The following MICAL2 variants were observed in gnomAD, a reference collection of about 807,000 sequenced individuals.
MICAL2 encodes the protein microtubule associated monooxygenase, calponin and LIM domain containing 2, also known as [F-actin]-monooxygenase MICAL2.
A neutral mutation model predicts 127.3 loss-of-function variants in MICAL2; 77 were observed. The observed-to-expected ratio is 0.60, with a 90% CI of 0.50 to 0.73. The LOEUF (loss-of-function observed/expected upper bound fraction) is 0.73, where lower values mean the gene tolerates loss of function less well. Ranked by LOEUF, MICAL2 falls within the 30% of genes least tolerant of loss-of-function variation. MICAL2 has a pLI of 0.00. For missense variants in MICAL2, 1,351 were observed against 1,434.4 expected (o/e 0.94, Z 0.94); for synonymous variants, 570 against 551.1 (o/e 1.03, Z -0.48).
intron 32 of MICAL2, among the ~76,000 whole-genome samples, chr11:12,341,807 T>C (rs1938872259): frequency 6.6e-6 from 1 of 151,952 alleles, no homozygotes; most frequent in South Asian, 2.1e-4. Flanking sequence ...AGCCTGGGCA[T>C]CAGAGCAAGA....
At chr11:12,194,538 C>T (rs887076536) in intron 3 of MICAL2, among the ~76,000 whole-genome samples, 2 of 152,196 alleles carry the variant, frequency 1.3e-5, no homozygotes, top group Non-Finnish European at 1.5e-5. Context: ...TTTTTCCCCA[C>T]ATGTAGGTTA....
rs779648447 is a variant in MICAL2, at chr11:12,224,752, C to T, written c.1620C>T (p.Asp540=). ...GCTACCAGCATGTCAACGTCACCGA[C>T]CTGACCACATCCTGGCGCAGTGGGT... ...TEGYQHVNVT[D]LTTSWRSGLA... The change falls in exon 13 of 28, where the codon GAC becomes GAT. Residue 540 remains aspartate (D), a synonymous_variant. Transcript: ENST00000683283. 1.2e-5 allele frequency: 20 copies of T among 1,614,116 alleles called. No individual in the cohort carries two copies. Among genetic ancestry groups the T allele is most frequent in the Non-Finnish European group, 1.5e-5 (18 of 1,180,042 alleles).
intron 15 of MICAL2, among the ~76,000 whole-genome samples, chr11:12,235,014 C>A (rs1858830447): frequency 6.6e-6 from 1 of 152,114 alleles, no homozygotes; most frequent in South Asian, 2.1e-4. Flanking sequence ...GTAGATGGCT[C>A]CCTGCAGAAG....
intron 3 of MICAL2, among the ~76,000 whole-genome samples, chr11:12,174,807 G>A (rs908889221): frequency 3.3e-5 from 5 of 151,986 alleles, no homozygotes; most frequent in Admixed American, 6.6e-5. Context: ...TAAACTTTTC[G>A]CAATTATTAA....
intron 32 of MICAL2, among the ~76,000 whole-genome samples, chr11:12,328,306 A>G (rs532695211): frequency 2.0e-5 from 3 of 152,210 alleles, no homozygotes; most frequent in Non-Finnish European, 4.4e-5. Context: ...ATGCTGTCAT[A>G]GGAACAAGCA....
At chr11:12,255,184 C>T (rs1371270294) in intron 22 of MICAL2, 1 of 163,622 alleles carries the variant, frequency 6.1e-6, no homozygotes, top group African/African-American at 2.4e-5. Context: ...TCCCAAAGTA[C>T]TGGGATTACA....
intron 5 of MICAL2, among the ~76,000 whole-genome samples, chr11:12,208,867 T>C (rs7933056): frequency 0.015 from 2,298 of 152,316 alleles, 61 homozygotes; most frequent in African/African-American, 0.052. Context: ...ATTTCTCCTG[T>C]CCTCTGCCCA....
chr11:12,256,027 G>A, intron 23 of MICAL2: 1 of 394,882 alleles, frequency 2.5e-6, no homozygotes, highest in Non-Finnish European at 4.6e-6. Flanking sequence ...AGGCCCAGGT[G>A]AGGCCGTGAG....
At chr11:12,256,521 C>T (rs979107455) in intron 23 of MICAL2, 1 of 364,376 alleles carries the variant, frequency 2.7e-6, no homozygotes, top group Non-Finnish European at 5.0e-6. Context: ...ACCAGAGCAG[C>T]CAACCTCGGG....
chr11:12,311,653 G>T (rs1038104167), intron 29 of MICAL2, among the ~76,000 whole-genome samples: 1 of 152,168 alleles, frequency 6.6e-6, no homozygotes. Context: ...TGATCCACCT[G>T]CCTCGGCCTC....
intron 5 of MICAL2, among the ~76,000 whole-genome samples, chr11:12,208,635 T>C (rs1855034595): frequency 6.6e-6 from 1 of 152,286 alleles, no homozygotes; most frequent in Non-Finnish European, 1.5e-5. Context: ...TTATAAACTA[T>C]GATATTTGCC....
downstream of MICAL2, chr11:12,294,653 G>T (rs1378229895): frequency 6.2e-7 from 1 of 1,614,190 alleles, no homozygotes; most frequent in East Asian, 2.2e-5. Flanking sequence ...CAAATCTTTT[G>T]AGAGTTTCCT....
At chr11:12,273,959 G>A (rs1863698605), upstream of MICAL2, among the ~76,000 whole-genome samples, 3 of 152,248 alleles carry the variant, frequency 2.0e-5, no homozygotes, top group South Asian at 4.2e-4. Flanking sequence ...AAGAAGAGGA[G>A]AGAGAGAAGA....
intron 27 of MICAL2, 82 bp downstream of exon 27, chr11:12,262,619 T>C (rs1863284279): frequency 8.5e-7 from 1 of 1,182,444 alleles, no homozygotes; most frequent in African/African-American, 1.5e-5. Context: ...CCGCCAGCAG[T>C]ACTGGTTGCA....
chr11:12,264,964 C>A (rs1863561468), downstream of MICAL2, among the ~76,000 whole-genome samples: 1 of 152,166 alleles, frequency 6.6e-6, no homozygotes, highest in Non-Finnish European at 1.5e-5. Flanking sequence ...TGTGCATGTG[C>A]TCATTTGTTT....
At chr11:12,288,825 A>G (rs1220754999), downstream of MICAL2, among the ~76,000 whole-genome samples, 1 of 152,212 alleles carries the variant, frequency 6.6e-6, no homozygotes, top group Non-Finnish European at 1.5e-5. Flanking sequence ...CAAAACCTCC[A>G]AGTTCTGGGA....
intron 24 of MICAL2, among the ~76,000 whole-genome samples, chr11:12,257,656 A>G (rs1253424108): frequency 6.6e-6 from 1 of 152,148 alleles, no homozygotes; most frequent in African/African-American, 2.4e-5. Flanking sequence ...CAGTTTCCTC[A>G]TCTGTAAAAT....
chr11:12,330,805 CAG>C (rs1213406245), intron 32 of MICAL2, among the ~76,000 whole-genome samples: 33 of 42,690 alleles, frequency 7.7e-4, no homozygotes, highest in Non-Finnish European at 1.0e-3. Context: ...GAGAGAGAGA[CAG>C]AGAGAGAGAG....
At chr11:12,129,695 T>A (rs1851255291) in intron 1 of MICAL2, among the ~76,000 whole-genome samples, 1 of 151,258 alleles carries the variant, frequency 6.6e-6, no homozygotes, top group Non-Finnish European at 1.5e-5. Context: ...CATTTGTTTT[T>A]CTCTTAATTT....
Sources: gnomAD v4.1 joint callset for allele counts (sites outside exome capture counted in the v4.1 genomes callset) on GRCh38, gnomAD v4.1.1 for gene constraint, MANE v1.5 for transcripts, NCBI Gene and HGNC (gene_info 2026-07-23, HGNC 2026-07-21) for gene names.